HS3ST4: variants seen among roughly 807,000 people sequenced by gnomAD.
The protein encoded by HS3ST4 is heparan sulfate-glucosamine 3-sulfotransferase 4, also known as heparan sulfate glucosamine 3-O-sulfotransferase 4.
HS3ST4 carries 17 observed loss-of-function variants against 29.2 expected under a neutral mutation model. The observed-to-expected ratio is 0.58, with a 90% CI of 0.40 to 0.87. The LOEUF (loss-of-function observed/expected upper bound fraction) is 0.87. Among genes scored for constraint, HS3ST4 ranks in the 40% least tolerant of loss-of-function variants. The probability of loss-of-function intolerance (pLI) is 0.00; values close to 1 mark genes in which losing one functional copy is unlikely to be tolerated. For missense variants in HS3ST4, 627 were observed against 634.5 expected (o/e 0.99, Z 0.13); for synonymous variants, 314 against 285.7 (o/e 1.10, Z -1.00).
rs781737725 is a variant in HS3ST4, at chr16:25,693,018, C to G, written c.601C>G (p.Leu201Val). The change falls in exon 1 of 2, where the codon CTC (leucine) becomes GTC (valine). Residue 201 changes from leucine (L) to valine (V), a missense_variant. Leu to Val is a conservative substitution (Grantham distance 32). This residue lies in a region of HS3ST4 where 402 missense variants were observed against 340.8 expected (regional missense o/e 1.18). Coordinates refer to ENST00000331351, the MANE Select transcript of HS3ST4 (RefSeq NM_006040.3). Reference sequence around the variant, plus strand: ...TGGGGAGAAGAAGCTGCCACAGGCGCTCATCATCGGGGTCAAGAAAGGAGG... The same window carrying G: ...TGGGGAGAAGAAGCTGCCACAGGCGGTCATCATCGGGGTCAAGAAAGGAGG... ...DYGEKKLPQA[L>V]IIGVKKGGTR... is the part of the protein sequence containing the mutation. 5 of 1,611,468 alleles carry G rather than the reference C, an allele frequency of 3.1e-6. No individual in the cohort carries two copies. The highest frequency in any genetic ancestry group is 4.2e-6 in the Non-Finnish European group (5 of 1,179,234).
At chr16:25,771,059 G>T (rs1206990165) in intron 1 of HS3ST4, among the ~76,000 whole-genome samples, 1 of 151,994 alleles carries the variant, frequency 6.6e-6, no homozygotes, top group Non-Finnish European at 1.5e-5. Context: ...TGCCATGGTG[G>T]TTTGCTGCAC....
chr16:25,727,975 T>G (rs1171456525), intron 1 of HS3ST4, among the ~76,000 whole-genome samples: 1 of 152,160 alleles, frequency 6.6e-6, no homozygotes, highest in South Asian at 2.1e-4. Flanking sequence ...GAATTTAACC[T>G]TACTCTTGTT....
intron 1 of HS3ST4, among the ~76,000 whole-genome samples, chr16:25,898,215 C>T (rs1475610574): frequency 1.3e-5 from 2 of 152,236 alleles, no homozygotes; most frequent in African/African-American, 4.8e-5. Context: ...TCCAATCTCT[C>T]ACCCTCAAAC....
chr16:25,894,514 G>GA (rs1329982151), intron 1 of HS3ST4, among the ~76,000 whole-genome samples: 1 of 144,964 alleles, frequency 6.9e-6, no homozygotes, highest in Non-Finnish European at 1.5e-5. Context: ...TTTTTTTTCA[G>GA]TTTTTTTTGA....
intron 1 of HS3ST4, among the ~76,000 whole-genome samples, chr16:25,919,251 G>GA (rs1430586051): frequency 6.6e-6 from 1 of 152,052 alleles, no homozygotes; most frequent in African/African-American, 2.4e-5. Flanking sequence ...GGCTGGTCTT[G>GA]AACTCCTGAC....
chr16:25,731,621 G>A (rs1050679911), intron 1 of HS3ST4, among the ~76,000 whole-genome samples: 1 of 152,178 alleles, frequency 6.6e-6, no homozygotes, highest in Admixed American at 6.5e-5. Flanking sequence ...GATTACAGGT[G>A]TGAGCCACCA....
At chr16:25,868,055 G>A (rs1967713750) in intron 1 of HS3ST4, among the ~76,000 whole-genome samples, 1 of 152,052 alleles carries the variant, frequency 6.6e-6, no homozygotes, top group African/African-American at 2.4e-5. Flanking sequence ...AGAAAATAAG[G>A]CAATAAAGGC....
chr16:25,707,114 G>A (rs1001614956), intron 1 of HS3ST4, among the ~76,000 whole-genome samples: 2 of 152,114 alleles, frequency 1.3e-5, no homozygotes, highest in Non-Finnish European at 2.9e-5. Flanking sequence ...CAGATTGACT[G>A]TCGTGGTATC....
chr16:25,799,544 A>G (rs1966911213), intron 1 of HS3ST4, among the ~76,000 whole-genome samples: 1 of 152,096 alleles, frequency 6.6e-6, no homozygotes, highest in African/African-American at 2.4e-5. Flanking sequence ...AACAATTTAA[A>G]TGATATCATA....
chr16:25,707,723 T>G (rs539918223), intron 1 of HS3ST4, among the ~76,000 whole-genome samples: 1 of 152,346 alleles, frequency 6.6e-6, no homozygotes, highest in African/African-American at 2.4e-5. Flanking sequence ...GTTCCTCTGC[T>G]TGAGCTTTGC....
At chr16:25,976,719 A>G (rs746557442) in intron 1 of HS3ST4, among the ~76,000 whole-genome samples, 16 of 152,186 alleles carry the variant, frequency 1.1e-4, no homozygotes, top group Non-Finnish European at 2.1e-4. Context: ...AACAGTACCT[A>G]CTTATCTTCT....
At chr16:25,756,844 A>G (rs181642500) in intron 1 of HS3ST4, among the ~76,000 whole-genome samples, 1 of 152,234 alleles carries the variant, frequency 6.6e-6, no homozygotes, top group East Asian at 1.9e-4. Flanking sequence ...GAAGCTACAT[A>G]TTTTTTCTGC....
rs145313097 is a variant in HS3ST4 at position 25,916,059 on chromosome 16, A to G, written c.735-219553A>G. 1.4e-3 allele frequency among the ~76,000 whole-genome samples: 209 copies of G among 152,318 alleles called. 1 individual carries two copies. Among genetic ancestry groups the G allele is most frequent in the African/African-American group, 4.8e-3 (201 of 41,572 alleles). On this transcript the variant is annotated intron_variant, in intron 1 of 1. Transcript: ENST00000331351. Reference sequence around the variant, plus strand: ...TCAGACATGGAGGAGGATAAGGGAAATTGTCATTCATTATGCATCAGTTAT... The same window carrying G: ...TCAGACATGGAGGAGGATAAGGGAAGTTGTCATTCATTATGCATCAGTTAT...
At chr16:25,902,388 C>G (rs11640700) in intron 1 of HS3ST4, among the ~76,000 whole-genome samples, 38,864 of 151,928 alleles carry the variant, frequency 0.26, 6,022 homozygotes, top group Middle Eastern at 0.39. Context: ...CTCAGCTACT[C>G]TGGAGGCTGA....
At chr16:26,025,138 C>G (rs1969455136) in intron 1 of HS3ST4, 1 of 152,372 alleles carries the variant, frequency 6.6e-6, no homozygotes. Flanking sequence ...TAAGATACCT[C>G]TAATGTATGA....
At position 26,065,632 on chromosome 16, in the gene HS3ST4, G is replaced by GA. The variant is rs928335787; in HGVS notation, c.735-69971dup. Among the ~76,000 whole-genome samples, 585 of 148,680 alleles carry GA rather than the reference G, an allele frequency of 3.9e-3. 18 individuals carry two copies. The highest frequency in any genetic ancestry group is 0.032 in the Admixed American group (478 of 14,992). On this transcript the variant is annotated intron_variant, in intron 1 of 1. Coordinates refer to ENST00000331351, the MANE Select transcript of HS3ST4 (RefSeq NM_006040.3). The stretch of plus-strand genomic sequence containing the variant: ...GTACCCCTGAACTCAAAATAAAAGC[G>GA]AAAAAAAAAGATAAAAATAAAATAT...
chr16:25,800,598 C>CT (rs954174964), intron 1 of HS3ST4, among the ~76,000 whole-genome samples: 5 of 152,058 alleles, frequency 3.3e-5, no homozygotes, highest in East Asian at 3.9e-4. Context: ...AATTTAGTGT[C>CT]TTTTTTTTAA....
intron 1 of HS3ST4, among the ~76,000 whole-genome samples, chr16:25,717,405 T>C (rs1284001692): frequency 6.6e-6 from 1 of 151,974 alleles, no homozygotes; most frequent in Non-Finnish European, 1.5e-5. Flanking sequence ...AAGGCTGCAA[T>C]TTGAGCATAT....
intron 1 of HS3ST4, among the ~76,000 whole-genome samples, chr16:25,693,800 G>T (rs1008356742): frequency 6.6e-6 from 1 of 152,162 alleles, no homozygotes; most frequent in Admixed American, 6.5e-5. Context: ...GACAGTTGGT[G>T]CCCTGAGAGT....
Sources: allele counts gnomAD v4.1 joint callset (sites outside exome capture counted in the v4.1 genomes callset), GRCh38; gene constraint gnomAD v4.1.1; regional missense constraint gnomAD v4.1.1; transcripts MANE v1.5; gene names NCBI Gene and HGNC (gene_info 2026-07-23, HGNC 2026-07-21).